The following GPR137C variants were observed in gnomAD, a reference collection of about 807,000 sequenced individuals.
GPR137C encodes integral membrane protein GPR137C.
In GPR137C, 27 loss-of-function variants were observed where a neutral mutation model predicts 43.4. That is an observed-to-expected ratio of 0.62 (90% CI 0.46 to 0.86). The LOEUF is 0.86. Ranked by LOEUF, GPR137C falls within the 40% of genes least tolerant of loss-of-function variation. GPR137C has a pLI of 0.00. For synonymous variants in GPR137C, 285 were observed against 226.9 expected (o/e 1.26, Z -2.30); for missense variants, 522 against 534.6 (o/e 0.98, Z 0.23).
intron 1 of GPR137C, among the ~76,000 whole-genome samples, chr14:52,565,799 G>T (rs1039165950): frequency 3.9e-5 from 6 of 152,050 alleles, no homozygotes; most frequent in Non-Finnish European, 8.8e-5. Context: ...TTGGTAAAGG[G>T]GTATGTTTAA....
intron 6 of GPR137C, among the ~76,000 whole-genome samples, chr14:52,634,358 C>T (rs2039327837): frequency 6.6e-6 from 1 of 152,072 alleles, no homozygotes; most frequent in South Asian, 2.1e-4. Flanking sequence ...TTCCCATGCC[C>T]TCCTTGTTAC....
intron 1 of GPR137C, chr14:52,596,954 G>A: frequency 2.2e-6 from 1 of 454,222 alleles, no homozygotes; most frequent in East Asian, 6.9e-5. Flanking sequence ...TGGCCATCTT[G>A]GAAGGAACCC....
chr14:52,558,882 A>G (rs1594778066), intron 1 of GPR137C, among the ~76,000 whole-genome samples: 1 of 152,222 alleles, frequency 6.6e-6, no homozygotes, highest in African/African-American at 2.4e-5. Context: ...CCAGAGAAAT[A>G]AAAGATGGAA....
intron 1 of GPR137C, among the ~76,000 whole-genome samples, chr14:52,583,955 T>C (rs967891343): frequency 6.6e-6 from 1 of 152,176 alleles, no homozygotes; most frequent in East Asian, 1.9e-4. Context: ...ACCAATGTCT[T>C]CTCTTTTCCC....
chr14:52,576,240 G>A (rs936348386), intron 1 of GPR137C, among the ~76,000 whole-genome samples: 36 of 152,180 alleles, frequency 2.4e-4, no homozygotes, highest in African/African-American at 8.4e-4. Flanking sequence ...TTCTGTTTCT[G>A]AGTTATTTTA....
In GPR137C at chr14:52,590,451, A is replaced by C. The variant is rs562626749; in HGVS notation, c.445-7821A>C. 2.0e-5 allele frequency among the ~76,000 whole-genome samples: 3 copies of C among 152,304 alleles called. No homozygotes were observed. In the South Asian group the frequency reaches 6.2e-4, roughly 32 times the overall value. On this transcript the variant is annotated intron_variant, in intron 1 of 6. Transcript: ENST00000321662. Reference sequence around the variant, plus strand: ...AAATTTAGTGTAGCATAAGTGTACAATGTTTATAAAGTCTACAGTAGTGTA... The same window carrying C: ...AAATTTAGTGTAGCATAAGTGTACACTGTTTATAAAGTCTACAGTAGTGTA...
chr14:52,596,933 C>G (rs1566615947), intron 1 of GPR137C: 1 of 454,194 alleles, frequency 2.2e-6, no homozygotes, highest in Admixed American at 2.3e-5. Flanking sequence ...CAGACTGGAG[C>G]TGTTCCTATT....
chr14:52,610,350 G>A (rs1271588475), intron 3 of GPR137C, among the ~76,000 whole-genome samples: 1 of 152,148 alleles, frequency 6.6e-6, no homozygotes, highest in Non-Finnish European at 1.5e-5. Context: ...GTGAAGACAA[G>A]GGTAGTCTCC....
chr14:52,595,621 C>CT (rs2038844109), intron 1 of GPR137C, among the ~76,000 whole-genome samples: 1 of 152,158 alleles, frequency 6.6e-6, no homozygotes, highest in Non-Finnish European at 1.5e-5. Context: ...GCTATTGAAG[C>CT]TTGTGCATGC....
chr14:52,577,516 GCACA>G lies in GPR137C; in HGVS notation c.445-20734_445-20731del, dbSNP rs3064748. 5.3e-3 allele frequency among the ~76,000 whole-genome samples: 770 copies of G among 145,492 alleles called. 2 individuals are homozygous for G. Among genetic ancestry groups the G allele is most frequent in the African/African-American group, 0.011 (440 of 39,594 alleles). On this transcript the variant is annotated intron_variant, in intron 1 of 6. Transcript: ENST00000321662. ...CAAACATGCACGCGTGCGCGCGCGC[GCACA>G]CACACACACACACACACACACGATC... is the stretch of plus-strand genomic sequence containing the variant.
At position 52,587,776 on chromosome 14, in the gene GPR137C, GTAAAA is replaced by G. The variant is rs570124720; in HGVS notation, c.445-10494_445-10490del. On this transcript the variant is annotated intron_variant, in intron 1 of 6. Transcript: ENST00000321662. Reference sequence around the variant, plus strand: ...CAGAGTGAGACTCCTTCAATAAAAAGTAAAATGAAATAATAATTCAGAATAACTAA... The same window carrying G: ...CAGAGTGAGACTCCTTCAATAAAAAGTGAAATAATAATTCAGAATAACTAA... Among the ~76,000 whole-genome samples the G allele has an allele frequency of 3.2e-4, 49 of 152,116 alleles. 3 individuals carry two copies. In the South Asian group the frequency reaches 1.0e-2, roughly 31 times the overall value.
chr14:52,581,195 C>CAA lies in GPR137C; in HGVS notation c.445-17060_445-17059dup, dbSNP rs71125115. 1.1e-3 allele frequency among the ~76,000 whole-genome samples: 91 copies of CAA among 83,494 alleles called. 1 individual carries two copies. The highest frequency in any genetic ancestry group is 0.016 in the Middle Eastern group (2 of 126). The allele number at this position is 83,494 out of a possible 152,430, so 54.8% of individuals were successfully genotyped here. A position where few individuals can be genotyped will look rare whatever the true frequency, so the allele number is the denominator to read the frequency against. On this transcript the variant is annotated intron_variant, in intron 1 of 6. Transcript: ENST00000321662. ...TCGGTGACAGAGTGAGACTTCTTCT[C>CAA]AAAAAAAAAAAAAAAAAAGTTGTTA...
chr14:52,630,760 A>G (rs913986004), intron 3 of GPR137C, among the ~76,000 whole-genome samples: 9 of 152,164 alleles, frequency 5.9e-5, no homozygotes, highest in African/African-American at 2.2e-4. Flanking sequence ...ACCTGTTTCT[A>G]CCCTGAAATT....
At chr14:52,633,969 G>A in intron 6 of GPR137C, 23 bp downstream of exon 6, 1 of 1,300,844 alleles carries the variant, frequency 7.7e-7, no homozygotes. Flanking sequence ...AAGCCACTTA[G>A]CCTGAATTAC....
At chr14:52,554,232 G>A (rs886129144) in intron 1 of GPR137C, among the ~76,000 whole-genome samples, 2 of 152,126 alleles carry the variant, frequency 1.3e-5, no homozygotes, top group African/African-American at 2.4e-5. Flanking sequence ...GTTTGCCCCA[G>A]TTGCTTCGTG....
chr14:52,602,968 G>T (rs943149244), intron 3 of GPR137C, among the ~76,000 whole-genome samples: 3 of 152,086 alleles, frequency 2.0e-5, no homozygotes, highest in Non-Finnish European at 4.4e-5. Context: ...GAACATTACA[G>T]TTCTTTCTAG....
chr14:52,618,412 C>G (rs1484759289), intron 3 of GPR137C, among the ~76,000 whole-genome samples: 1 of 152,072 alleles, frequency 6.6e-6, no homozygotes, highest in African/African-American at 2.4e-5. Flanking sequence ...TTAAGTGTGC[C>G]TCACTAACTT....
In GPR137C at chr14:52,633,824, A is replaced by G. The variant is rs1425213601; in HGVS notation, c.994-4A>G. On this transcript the variant is annotated splice_region_variant and splice_polypyrimidine_tract_variant and intron_variant, in intron 5 of 6. Transcript: ENST00000321662. ...TCATATGCTATCTAATACTTTGTTC[A>G]CAGGCACCTGCTGGCATGATAAATA... 9 of 1,600,614 alleles carry G rather than the reference A, an allele frequency of 5.6e-6. No individual in the cohort carries two copies. The highest frequency in any genetic ancestry group is 3.3e-5 in the Admixed American group (2 of 59,820).
At chr14:52,589,043 T>C (rs1230185311) in intron 1 of GPR137C, among the ~76,000 whole-genome samples, 1 of 152,234 alleles carries the variant, frequency 6.6e-6, no homozygotes, top group Non-Finnish European at 1.5e-5. Context: ...AATGGAATAT[T>C]ATTCAGCCTT....
Sources: gnomAD v4.1 joint callset for allele counts (sites outside exome capture counted in the v4.1 genomes callset) on GRCh38, gnomAD v4.1.1 for gene constraint, MANE v1.5 for transcripts, NCBI Gene and HGNC (gene_info 2026-07-23, HGNC 2026-07-21) for gene names.